Variants in PCDHGA7 observed in about 807,000 individuals in gnomAD.
The protein encoded by PCDHGA7 is protocadherin gamma-A7.
PCDHGA7 carries 44 observed loss-of-function variants against 58.3 expected under a neutral mutation model. The ratio of observed to expected loss-of-function variants is 0.75; its 90% CI spans 0.59 to 0.97. PCDHGA7 has a LOEUF of 0.97. Ranked by LOEUF, PCDHGA7 falls within the 50% of genes least tolerant of loss-of-function variation. PCDHGA7 has a pLI of 0.00. For missense variants in PCDHGA7, 1,266 were observed against 1,188.7 expected (o/e 1.06, Z -0.96); for synonymous variants, 516 against 504.2 (o/e 1.02, Z -0.31).
At chr5:141,466,654 C>A (rs985749176) in intron 1 of PCDHGA7, among the ~76,000 whole-genome samples, 12 of 152,178 alleles carry the variant, frequency 7.9e-5, no homozygotes, top group African/African-American at 2.9e-4. Flanking sequence ...TTTCACAAAA[C>A]ATCAGTGATT....
At position 141,512,161 on chromosome 5, in the gene PCDHGA7, G is replaced by A. The variant is rs1176664723; in HGVS notation, c.*988G>A. On this transcript the variant is annotated 3_prime_UTR_variant, in exon 4 of 4. Transcript: ENST00000518325. ...AGCCAGCTTTGGGCTGAGCTAACAGGACCAATGGATTAAACTGGCATTTCA... is the reference window on the plus strand; with the variant it reads ...AGCCAGCTTTGGGCTGAGCTAACAGAACCAATGGATTAAACTGGCATTTCA... The A allele has an allele frequency of 6.5e-6, 1 of 152,704 alleles. No homozygotes were observed. Among genetic ancestry groups the A allele is most frequent in the African/African-American group, 2.4e-5 (1 of 41,440 alleles). 9.5% of individuals were successfully genotyped at this position (152,704 alleles called of 1,614,324 possible). A position where few individuals can be genotyped will look rare whatever the true frequency, so the allele number is the denominator to read the frequency against.
At chr5:141,484,453 C>T (rs1212059469) in intron 1 of PCDHGA7, among the ~76,000 whole-genome samples, 1 of 152,160 alleles carries the variant, frequency 6.6e-6, no homozygotes. Flanking sequence ...TAATTGGCTA[C>T]GTTAATGTGT....
In PCDHGA7 at chr5:141,418,992, A is replaced by G. The variant is rs554523363; in HGVS notation, c.2424+33669A>G. 28 of 1,613,802 alleles carry G rather than the reference A, an allele frequency of 1.7e-5. No individual in the cohort carries two copies. The African/African-American group carries it at 2.7e-4, about 15-fold the overall frequency. On this transcript the variant is annotated intron_variant, in intron 1 of 3. Coordinates refer to ENST00000518325, the MANE Select transcript of PCDHGA7 (RefSeq NM_018920.4). Reference sequence around the variant, plus strand: ...AAAACACGGGACCAAGACTCAGGGGAAAATGGGGAAGTCAGGTGTAGCTTA... The same window carrying G: ...AAAACACGGGACCAAGACTCAGGGGGAAATGGGGAAGTCAGGTGTAGCTTA...
intron 1 of PCDHGA7, chr5:141,424,569 C>A (rs1436039976): frequency 6.6e-6 from 1 of 151,996 alleles, no homozygotes; most frequent in African/African-American, 2.4e-5. Flanking sequence ...TCTCAAAAAC[C>A]TATTTTCAAA....
Position 141,491,590 on chromosome 5 carries a change from G to A in PCDHGA7, c.2425-3217G>A, listed in dbSNP as rs376104513. ...GACGTGCTTTTCACCGGCCTCGGAC[G>A]GCAGTGACTTCACTTTTCTAAGACC... On this transcript the variant is annotated intron_variant, in intron 1 of 3. Transcript: ENST00000518325. The surrounding 1 kb of genome is among the most constrained non-coding windows in gnomAD (Gnocchi z 6.9). 15 of 1,613,828 alleles carry A rather than the reference G, an allele frequency of 9.3e-6. No homozygotes were observed. In the African/African-American group the frequency reaches 2.0e-4, roughly 22 times the overall value.
intron 1 of PCDHGA7, chr5:141,408,147 A>G (rs1357143790): frequency 6.7e-7 from 1 of 1,503,488 alleles, no homozygotes; most frequent in Non-Finnish European, 8.9e-7. Context: ...TTAGCGCGGT[A>G]GAGTGCACTT....
chr5:141,481,503 G>A (rs1006282101), intron 1 of PCDHGA7, among the ~76,000 whole-genome samples: 3 of 152,236 alleles, frequency 2.0e-5, no homozygotes, highest in African/African-American at 7.2e-5. Context: ...TGCATGGTAT[G>A]TGAATTATGT....
At chr5:141,435,503 A>G (rs2097767522) in intron 1 of PCDHGA7, among the ~76,000 whole-genome samples, 1 of 152,170 alleles carries the variant, frequency 6.6e-6, no homozygotes, top group Non-Finnish European at 1.5e-5. Context: ...TACACTAATG[A>G]TACTAATGAT....
intron 1 of PCDHGA7, among the ~76,000 whole-genome samples, chr5:141,425,058 G>A (rs938128250): frequency 1.3e-5 from 2 of 151,986 alleles, no homozygotes; most frequent in African/African-American, 2.4e-5. Context: ...TCTAGGGCTC[G>A]GACAAAAATA....
chr5:141,465,800 C>T (rs1486100601), intron 1 of PCDHGA7, among the ~76,000 whole-genome samples: 1 of 151,524 alleles, frequency 6.6e-6, no homozygotes, highest in African/African-American at 2.4e-5. Flanking sequence ...TTTAAGAAAC[C>T]CTTCAGGATC....
rs1020143604 is a variant in PCDHGA7, at chr5:141,387,463, C to T, written c.2424+2140C>T. 8.8e-4 allele frequency among the ~76,000 whole-genome samples: 134 copies of T among 152,318 alleles called. 2 individuals are homozygous for T. Among genetic ancestry groups the T allele is most frequent in the East Asian group, 3.9e-4 (2 of 5,186 alleles). ...TAATCTACATGATTTGCCTAAAAAT[C>T]CTCAAAGTTGGGATGAAGGCATTCC... On this transcript the variant is annotated intron_variant, in intron 1 of 3. Transcript: ENST00000518325.
chr5:141,421,379 AGGACCTGGGGCT>A, intron 1 of PCDHGA7: 1 of 1,614,054 alleles, frequency 6.2e-7, no homozygotes, highest in South Asian at 1.1e-5. Context: ...AATATCTCCA[AGGACCTGGGGCT>A]GGAGCCCCGG....
chr5:141,510,709 CAGTGAGTAAGGAA>C (rs1452833908), intron 3 of PCDHGA7, among the ~76,000 whole-genome samples: 7 of 152,168 alleles, frequency 4.6e-5, no homozygotes, highest in Admixed American at 4.6e-4. Flanking sequence ...CCCAGGATCA[CAGTGAGTAAGGAA>C]AGGAGCTAGG....
At chr5:141,481,592 C>T (rs765060653) in intron 1 of PCDHGA7, among the ~76,000 whole-genome samples, 2 of 152,112 alleles carry the variant, frequency 1.3e-5, no homozygotes, top group East Asian at 1.9e-4. Context: ...CTGAGGCCAG[C>T]GGATCACCTG....
chr5:141,445,890 T>C (rs1435563284), intron 1 of PCDHGA7, among the ~76,000 whole-genome samples: 1 of 152,210 alleles, frequency 6.6e-6, no homozygotes, highest in Non-Finnish European at 1.5e-5. Context: ...ACTTAGGAGC[T>C]ATTAAAATAT....
intron 3 of PCDHGA7, among the ~76,000 whole-genome samples, chr5:141,510,584 C>T (rs2099881791): frequency 1.3e-5 from 2 of 152,184 alleles, no homozygotes. Flanking sequence ...TTTTACGTAC[C>T]TGACATACAT....
At chr5:141,496,768 A>G (rs997951321) in intron 2 of PCDHGA7, among the ~76,000 whole-genome samples, 10 of 152,260 alleles carry the variant, frequency 6.6e-5, no homozygotes, top group African/African-American at 2.4e-4. Context: ...TCGAGCATCT[A>G]CTATGAGCAG....
intron 1 of PCDHGA7, among the ~76,000 whole-genome samples, chr5:141,474,082 C>CA (rs1449032579): frequency 1.3e-5 from 2 of 152,064 alleles, no homozygotes; most frequent in African/African-American, 4.8e-5. Context: ...AAACAAAAAC[C>CA]AAAAAACAAA....
rs774271747 is a variant in PCDHGA7 at position 141,485,866 on chromosome 5, C to A, written c.2425-8941C>A. On this transcript the variant is annotated intron_variant, in intron 1 of 3. Coordinates refer to ENST00000518325, the MANE Select transcript of PCDHGA7 (RefSeq NM_018920.4). The surrounding 1 kb of genome is among the most constrained non-coding windows in gnomAD (Gnocchi z 5.7). Reference sequence around the variant, plus strand: ...CTGGCACCGCAGAGCTCCGGGTATCCGTGCTGGACGTAAACGACAACGCCC... The same window carrying A: ...CTGGCACCGCAGAGCTCCGGGTATCAGTGCTGGACGTAAACGACAACGCCC... 2 of 1,614,144 alleles carry A rather than the reference C, an allele frequency of 1.2e-6. No homozygotes were observed. Among genetic ancestry groups the A allele is most frequent in the South Asian group, 1.1e-5 (1 of 91,074 alleles).
Sources: gnomAD v4.1 joint callset for allele counts (sites outside exome capture counted in the v4.1 genomes callset) on GRCh38, gnomAD v4.1.1 for gene constraint, Gnocchi (gnomAD v3.1) non-coding constraint, MANE v1.5 for transcripts, NCBI Gene and HGNC (gene_info 2026-07-23, HGNC 2026-07-21) for gene names.